METTL27: variants seen among roughly 807,000 people sequenced by gnomAD.
METTL27 encodes the protein methyltransferase like 27, also known as methyltransferase-like protein 27.
In METTL27, 29 loss-of-function variants were observed where a neutral mutation model predicts 24.5. The observed-to-expected ratio is 1.18, with a 90% CI of 0.88 to 1.61. The LOEUF (loss-of-function observed/expected upper bound fraction) is 1.61, where lower values mean the gene tolerates loss of function less well. Ranked by LOEUF, METTL27 falls within the 40% of genes most tolerant of loss-of-function variation. METTL27 has a pLI of 0.00. For synonymous variants in METTL27, 138 were observed against 146.8 expected, an observed-to-expected ratio of 0.94 and a Z score of 0.43; for missense variants, 341 against 324.3, an observed-to-expected ratio of 1.05 and a Z score of -0.40.
chr7:73,842,166 G>A, intron 1 of METTL27, 22 bp from the exon 2 acceptor site: 3 of 1,585,800 alleles, frequency 1.9e-6, no homozygotes, highest in Non-Finnish European at 2.6e-6. Flanking sequence ...CCGTTGCCCT[G>A]TCTCGAGGTC....
At chr7:73,835,637 C>T (rs1584334861) in intron 5 of METTL27, among the ~76,000 whole-genome samples, 4 of 144,978 alleles carry the variant, frequency 2.8e-5, no homozygotes, top group East Asian at 2.0e-4. Flanking sequence ...GCCGCCACCC[C>T]GTCTGGGAAG....
chr7:73,836,528 G>A (rs1788204166), intron 5 of METTL27, among the ~76,000 whole-genome samples: 2 of 67,974 alleles, frequency 2.9e-5, no homozygotes, highest in Non-Finnish European at 6.1e-5. Context: ...CCGGGAGGGA[G>A]GTGGGGGGGT....
chr7:73,835,924 G>A (rs1262035623), intron 5 of METTL27, among the ~76,000 whole-genome samples: 3 of 150,912 alleles, frequency 2.0e-5, no homozygotes, highest in Non-Finnish European at 4.4e-5. Flanking sequence ...GGGAGGTGAG[G>A]AGCATCTCTG....
At chr7:73,835,169 C>A (rs1584334090) in intron 5 of METTL27, 167 bp from the exon 6 acceptor site, 1 of 758,460 alleles carries the variant, frequency 1.3e-6, no homozygotes, top group Non-Finnish European at 1.9e-6. Context: ...CCTCCTCTCC[C>A]TCCTCTCCCT....
intron 4 of METTL27, 119 bp from the exon 5 acceptor site, chr7:73,840,239 C>T: frequency 6.9e-7 from 1 of 1,454,252 alleles, no homozygotes; most frequent in Non-Finnish European, 9.2e-7. Context: ...TCTGCAGGAC[C>T]CAGGTCCCCT....
chr7:73,835,080 C>G, intron 5 of METTL27, 78 bp from the exon 6 acceptor site: 2 of 1,481,400 alleles, frequency 1.4e-6, no homozygotes, highest in Non-Finnish European at 1.8e-6. Context: ...GATGGTTGTC[C>G]CTTCAAGGCA....
At chr7:73,835,174 C>T (rs1164268186) in intron 5 of METTL27, 172 bp from the exon 6 acceptor site, 40 of 775,768 alleles carry the variant, frequency 5.2e-5, no homozygotes, top group Non-Finnish European at 7.2e-5. Context: ...TCTCCCTCCT[C>T]TCCCTCCTCT....
At chr7:73,842,296 G>A (rs1788388516) in intron 1 of METTL27, among the ~76,000 whole-genome samples, 152 bp from the exon 2 acceptor site, 1 of 152,080 alleles carries the variant, frequency 6.6e-6, no homozygotes, top group Non-Finnish European at 1.5e-5. Context: ...GACACTGAGC[G>A]CAGAGAGGGC....
chr7:73,834,675 G>T lies in METTL27; in HGVS notation c.*68C>A. 7.0e-7 allele frequency: 1 copy of T among 1,435,204 alleles called. No homozygotes were observed. The highest frequency in any genetic ancestry group is 9.6e-7 in the Non-Finnish European group (1 of 1,046,418). The allele number at this position is 1,435,204 out of a possible 1,614,324, so 88.9% of individuals were successfully genotyped here. On this transcript the variant is annotated 3_prime_UTR_variant, in exon 6 of 6. Coordinates refer to ENST00000297873, the MANE Select transcript of METTL27 (RefSeq NM_152559.3). ...CCCATTTTACAGGGGAGGCAGAGGAGGCCCAGCAGATGGGCCCAGCTAAGG... is the reference window on the plus strand; with the variant it reads ...CCCATTTTACAGGGGAGGCAGAGGATGCCCAGCAGATGGGCCCAGCTAAGG...
intron 2 of METTL27, among the ~76,000 whole-genome samples, chr7:73,841,471 C>CTT (rs34544195): frequency 3.7e-4 from 48 of 131,026 alleles, no homozygotes; most frequent in African/African-American, 7.9e-4. Context: ...GTCCACATGA[C>CTT]TTTTTTTTTT....
At chr7:73,836,250 G>A (rs1584336031) in intron 5 of METTL27, among the ~76,000 whole-genome samples, 1 of 119,518 alleles carries the variant, frequency 8.4e-6, no homozygotes, top group African/African-American at 2.9e-5. Flanking sequence ...CCCCCGCCCG[G>A]CCAGCCGCCC....
Position 73,836,930 on chromosome 7 carries a change from C to A in METTL27, c.479-1928G>T, listed in dbSNP as rs1429084105. ...GACATGGGAGACTTTTCATTTTGTT[C>A]TGTACTAAGAAAAATTCTTCTGCCT... On this transcript the variant is annotated intron_variant, in intron 5 of 5. Transcript: ENST00000297873. Among the ~76,000 whole-genome samples, 11 of 132,768 alleles carry A rather than the reference C, an allele frequency of 8.3e-5. No homozygotes were observed. In the South Asian group the frequency reaches 1.7e-3, roughly 21 times the overall value. 87.1% of individuals were successfully genotyped at this position (132,768 alleles called of 152,430 possible).
intron 3 of METTL27, 26 bp downstream of exon 3, chr7:73,841,044 A>G (rs1175754112): frequency 2.7e-6 from 4 of 1,456,044 alleles, no homozygotes; most frequent in African/African-American, 3.0e-5. Flanking sequence ...GCTAAGGAGT[A>G]GGCAGGGGAT....
chr7:73,841,006 G>A (rs1283167448), intron 3 of METTL27, 64 bp downstream of exon 3: 78 of 1,404,326 alleles, frequency 5.6e-5, no homozygotes, highest in Non-Finnish European at 6.7e-5. Context: ...TGGGGCCAGG[G>A]GCAGTAGGAG....
rs782820897 is a variant in METTL27, at chr7:73,840,136, G to T, written c.389-16C>A. 2.4e-5 allele frequency: 36 copies of T among 1,470,852 alleles called. No homozygotes were observed. Among genetic ancestry groups the T allele is most frequent in the African/African-American group, 4.3e-5 (3 of 70,172 alleles). 91.1% of individuals were successfully genotyped at this position (1,470,852 alleles called of 1,614,324 possible). A position where few individuals can be genotyped will look rare whatever the true frequency, so the allele number is the denominator to read the frequency against. ...TCGAAGGTCCCTGTGTGTGTGTGGG[G>T]GGGGGTGGGGACATGGTGTGATGCT... On this transcript the variant is annotated splice_polypyrimidine_tract_variant and intron_variant, in intron 4 of 5. Transcript: ENST00000297873.
Position 73,840,404 on chromosome 7 carries a change from G to A in METTL27, c.388+10C>T. 1 of 1,565,670 alleles carries A rather than the reference G, an allele frequency of 6.4e-7. No homozygotes were observed. ...TGGGCCTCGGGGTGTGGAGGTGGGA[G>A]AGAAAGTACCTTCCGGGCTGGGCAG... On this transcript the variant is annotated intron_variant, in intron 4 of 5. Transcript: ENST00000297873.
Position 73,842,060 on chromosome 7 carries a change from T to C in METTL27, c.81A>G (p.Gln27=), listed in dbSNP as rs1554636569. Reference sequence around the variant, plus strand: ...CCCAGCGGTCATAGAAATGGAGCTTTTGGGCCAGGTCGGGGATGCCATGCG... The same window carrying C: ...CCCAGCGGTCATAGAAATGGAGCTTCTGGGCCAGGTCGGGGATGCCATGCG... ...RAAHGIPDLA[Q]KLHFYDRWAP... The change falls in exon 2 of 6, where the codon CAA becomes CAG. Residue 27 remains glutamine (Q), a synonymous_variant. Coordinates refer to ENST00000297873, the MANE Select transcript of METTL27 (RefSeq NM_152559.3). 1.9e-6 allele frequency: 3 copies of C among 1,613,956 alleles called. No individual in the cohort carries two copies. The highest frequency in any genetic ancestry group is 2.7e-5 in the African/African-American group (2 of 74,924).
chr7:73,841,389 C>T (rs1788350519), intron 2 of METTL27, among the ~76,000 whole-genome samples, 191 bp from the exon 3 acceptor site: 1 of 152,056 alleles, frequency 6.6e-6, no homozygotes, highest in Non-Finnish European at 1.5e-5. Flanking sequence ...GAGAGTTAGC[C>T]CCCAGCCCAC....
intron 5 of METTL27, 35 bp downstream of exon 5, chr7:73,839,996 G>T: frequency 6.3e-7 from 1 of 1,576,280 alleles, no homozygotes. Flanking sequence ...ATATGGTGAC[G>T]GGGGTTGGGG....
Sources: gnomAD v4.1 joint callset for allele counts (sites outside exome capture counted in the v4.1 genomes callset) on GRCh38, gnomAD v4.1.1 for gene constraint, MANE v1.5 for transcripts, NCBI Gene and HGNC (gene_info 2026-07-23, HGNC 2026-07-21) for gene names.